FTO: variants seen among roughly 807,000 people sequenced by gnomAD.
FTO encodes the protein FTO alpha-ketoglutarate dependent dioxygenase.
A neutral mutation model predicts 63.9 loss-of-function variants in FTO; 47 were observed. The observed-to-expected ratio is 0.74, with a 90% CI of 0.58 to 0.94. FTO has a LOEUF of 0.94. FTO is among the 40% of genes least tolerant of loss of function. FTO has a pLI of 0.00. For synonymous variants in FTO, 207 were observed against 224.4 expected (o/e 0.92, Z 0.69); for missense variants, 562 against 618.1 (o/e 0.91, Z 0.96).
At chr16:53,786,546 A>C (rs997151045) in intron 1 of FTO, among the ~76,000 whole-genome samples, 2 of 152,228 alleles carry the variant, frequency 1.3e-5, no homozygotes, top group African/African-American at 2.4e-5. Flanking sequence ...AAAAATAAAC[A>C]CTAACATCAG....
At chr16:53,878,770 G>T (rs1464071083) in intron 5 of FTO, among the ~76,000 whole-genome samples, 3 of 152,144 alleles carry the variant, frequency 2.0e-5, no homozygotes, top group Admixed American at 6.5e-5. Context: ...TTATAAAAAG[G>T]AGTTTGTCCA....
chr16:53,790,726 G>A (rs2077892392), intron 1 of FTO, among the ~76,000 whole-genome samples: 1 of 152,096 alleles, frequency 6.6e-6, no homozygotes, highest in African/African-American at 2.4e-5. Context: ...TTCAAATATA[G>A]GTTTGGAATG....
rs1476787599 is a variant in FTO, at chr16:53,764,488, A to AAAAAAG, written c.46-45649_46-45648insAAGAAA. Among the ~76,000 whole-genome samples the AAAAAAG allele has an allele frequency of 5.3e-4, 81 of 151,552 alleles. No individual in the cohort carries two copies. In the East Asian group the frequency reaches 0.014, roughly 27 times the overall value. ...CTACTAAAAATACAAAAAAAAAAAA[A>AAAAAAG]AAAGAAAAGAGGGGCTGAATTAACT... On this transcript the variant is annotated intron_variant, in intron 1 of 8. Coordinates refer to ENST00000471389, the MANE Select transcript of FTO (RefSeq NM_001080432.3).
intron 1 of FTO, among the ~76,000 whole-genome samples, chr16:53,739,431 GT>G (rs2076477526): frequency 6.6e-6 from 1 of 150,766 alleles, no homozygotes; most frequent in Non-Finnish European, 1.5e-5. Context: ...AGCCAGGATG[GT>G]CTTGATCTCC....
chr16:53,786,902 T>C (rs1054027373), intron 1 of FTO, among the ~76,000 whole-genome samples: 1 of 151,468 alleles, frequency 6.6e-6, no homozygotes, highest in African/African-American at 2.4e-5. Flanking sequence ...ATGAGGTCAA[T>C]AGATCGAAAC....
At chr16:53,740,064 G>A (rs905679983) in intron 1 of FTO, among the ~76,000 whole-genome samples, 7 of 152,182 alleles carry the variant, frequency 4.6e-5, no homozygotes, top group African/African-American at 1.7e-4. Context: ...TTCAAAATTA[G>A]AAGGCTGTGT....
At chr16:53,825,767 C>T in intron 2 of FTO, 97 bp from the exon 3 acceptor site, 13 of 1,443,722 alleles carry the variant, frequency 9.0e-6, no homozygotes, top group Non-Finnish European at 1.2e-5. Context: ...GGTAGTCCCC[C>T]CACAACTCCC....
intron 8 of FTO, among the ~76,000 whole-genome samples, chr16:53,976,660 A>G (rs2083444615): frequency 6.6e-6 from 1 of 152,164 alleles, no homozygotes; most frequent in South Asian, 2.1e-4. Context: ...TTATAGGTAT[A>G]TATGTTGGAG....
At chr16:53,961,771 A>G (rs1218645190) in intron 8 of FTO, among the ~76,000 whole-genome samples, 1 of 152,246 alleles carries the variant, frequency 6.6e-6, no homozygotes, top group Non-Finnish European at 1.5e-5. Context: ...TATGATGACC[A>G]ACATTGACAG....
intron 7 of FTO, among the ~76,000 whole-genome samples, chr16:53,901,146 G>C (rs1249347825): frequency 6.6e-6 from 1 of 152,186 alleles, no homozygotes; most frequent in South Asian, 2.1e-4. Flanking sequence ...TGCTTTGTGA[G>C]TACAGCAAAC....
At chr16:53,787,141 A>G (rs1180268884) in intron 1 of FTO, among the ~76,000 whole-genome samples, 1 of 138,600 alleles carries the variant, frequency 7.2e-6, no homozygotes, top group Non-Finnish European at 1.6e-5. Context: ...AAAAAAAAAA[A>G]AGAAAAAGAA....
chr16:53,752,754 A>G (rs1264765420), intron 1 of FTO, among the ~76,000 whole-genome samples: 1 of 152,188 alleles, frequency 6.6e-6, no homozygotes, highest in Non-Finnish European at 1.5e-5. Context: ...GCAGCAGTGT[A>G]TCTGCAGGGC....
At chr16:54,060,878 T>C (rs1223924061) in intron 8 of FTO, among the ~76,000 whole-genome samples, 1 of 152,268 alleles carries the variant, frequency 6.6e-6, no homozygotes, top group East Asian at 1.9e-4. Flanking sequence ...TAACTATCCT[T>C]CCCAGACATA....
chr16:53,931,249 A>G (rs146873706), intron 7 of FTO, among the ~76,000 whole-genome samples: 253 of 148,494 alleles, frequency 1.7e-3, no homozygotes, highest in African/African-American at 5.9e-3. Context: ...GCATTTTTGC[A>G]TTTTGGTAAA....
intron 2 of FTO, chr16:53,814,993 C>T (rs1402548587): frequency 1.3e-5 from 2 of 151,974 alleles, no homozygotes; most frequent in Non-Finnish European, 1.5e-5. Context: ...TACAGAACAG[C>T]AAAGCCTCAG....
At chr16:53,849,938 A>G (rs568610475) in intron 4 of FTO, among the ~76,000 whole-genome samples, 1 of 152,242 alleles carries the variant, frequency 6.6e-6, no homozygotes, top group African/African-American at 2.4e-5. Flanking sequence ...AGCTTTTGTT[A>G]TTTCTTTCTC....
At chr16:53,729,183 G>A (rs547263721) in intron 1 of FTO, among the ~76,000 whole-genome samples, 22 of 151,930 alleles carry the variant, frequency 1.4e-4, no homozygotes, top group African/African-American at 4.6e-4. Flanking sequence ...TTAGATTTCC[G>A]TAGGCTCTTG....
At chr16:53,980,474 G>A (rs1438698707) in intron 8 of FTO, among the ~76,000 whole-genome samples, 2 of 152,140 alleles carry the variant, frequency 1.3e-5, no homozygotes, top group Non-Finnish European at 2.9e-5. Context: ...CAATGCATAC[G>A]CCCCTCTTCA....
rs565821642 is a variant in FTO at position 54,112,265 on chromosome 16, CTG to C, written c.*351_*352del. 2 of 349,382 alleles carry C rather than the reference CTG, an allele frequency of 5.7e-6. No individual in the cohort carries two copies. Among genetic ancestry groups the C allele is most frequent in the Non-Finnish European group, 1.1e-5 (2 of 182,058 alleles). The allele number at this position is 349,382 out of a possible 1,614,324, so 21.6% of individuals were successfully genotyped here. Reference sequence around the variant, plus strand: ...TCTTTCCCAAGCTTTTTCAGAGACTCTGGAGTGGACCCAGCCCTCTGGGGAAA... The same window carrying C: ...TCTTTCCCAAGCTTTTTCAGAGACTCGAGTGGACCCAGCCCTCTGGGGAAA... On this transcript the variant is annotated 3_prime_UTR_variant, in exon 9 of 9. Coordinates refer to ENST00000471389, the MANE Select transcript of FTO (RefSeq NM_001080432.3).
Sources: gnomAD v4.1 joint callset for allele counts (sites outside exome capture counted in the v4.1 genomes callset) on GRCh38, gnomAD v4.1.1 for gene constraint, MANE v1.5 for transcripts, NCBI Gene and HGNC (gene_info 2026-07-23, HGNC 2026-07-21) for gene names.